The following MYBBP1A variants were observed in gnomAD, a reference collection of about 807,000 sequenced individuals.
The protein encoded by MYBBP1A is MYB binding protein 1a.
In MYBBP1A, 147 loss-of-function variants were observed where a neutral mutation model predicts 136.3. The observed-to-expected ratio is 1.08, with a 90% CI of 0.94 to 1.24. The LOEUF is 1.24. Ranked by LOEUF, MYBBP1A falls within the 50% of genes most tolerant of loss-of-function variation. The pLI is 0.00. For synonymous variants in MYBBP1A, 947 were observed against 735.8 expected (o/e 1.29, Z -4.65); for missense variants, 2,060 against 1,727.4 (o/e 1.19, Z -3.41).
At chr17:4,543,556 G>A (rs1192566298) in intron 19 of MYBBP1A, among the ~76,000 whole-genome samples, 1 of 152,084 alleles carries the variant, frequency 6.6e-6, no homozygotes, top group African/African-American at 2.4e-5. Context: ...GGATATAATG[G>A]GGGCAAGAGG....
chr17:4,552,548 G>A lies in MYBBP1A; in HGVS notation c.640C>T (p.Gln214Ter), dbSNP rs377010165. The A allele has an allele frequency of 1.2e-6, 2 of 1,613,956 alleles. No individual in the cohort carries two copies. The highest frequency in any genetic ancestry group is 2.7e-5 in the African/African-American group (2 of 74,938). Residue 214 changes from glutamine (Q) to a stop codon, truncating the protein, a stop_gained, in exon 6 of 26, where the codon CAG becomes TAG. Transcript: ENST00000254718. LOFTEE classifies it high-confidence loss of function. The surrounding 1 kb of genome is among the most constrained non-coding windows in gnomAD (Gnocchi z 4.7). ...DLNIILSSPEQLELFLLAQQK... is the reference protein window; with the variant it reads ...DLNIILSSPE The stretch of plus-strand genomic sequence containing the variant: ...TGGGCCAGGAGGAAGAGCTCTAGCT[G>A]TTCAGGGGAGCTGAGTATTATATTC...
At chr17:4,540,100 C>CGTGAGGGTCCT in intron 25 of MYBBP1A, 133 bp from the exon 26 acceptor site, 3 of 1,219,566 alleles carry the variant, frequency 2.5e-6, no homozygotes, top group East Asian at 2.4e-5. Flanking sequence ...ATGAGGGTCC[C>CGTGAGGGTCCT]GTGAGGGTCC....
intron 2 of MYBBP1A, among the ~76,000 whole-genome samples, chr17:4,554,592 G>A (rs1190264385): frequency 3.3e-5 from 5 of 152,176 alleles, no homozygotes; most frequent in African/African-American, 7.2e-5. Flanking sequence ...CAGGCCTAAG[G>A]GAGCCCACCC....
At chr17:4,543,926 C>A (rs911845978) in intron 19 of MYBBP1A, among the ~76,000 whole-genome samples, 8 of 152,186 alleles carry the variant, frequency 5.3e-5, no homozygotes, top group African/African-American at 1.9e-4. Context: ...GCCTCTGTGG[C>A]CTCCAGCACC....
intron 5 of MYBBP1A, among the ~76,000 whole-genome samples, chr17:4,553,009 A>C (rs1246449748): frequency 6.6e-6 from 1 of 152,072 alleles, no homozygotes; most frequent in Non-Finnish European, 1.5e-5. Context: ...TTTAGTAGAG[A>C]TGGGGTTTCA....
intron 2 of MYBBP1A, 109 bp downstream of exon 2, chr17:4,554,752 C>G (rs1454939785): frequency 1.9e-6 from 2 of 1,065,098 alleles, no homozygotes; most frequent in Non-Finnish European, 2.7e-6. Flanking sequence ...CACTCCCGAC[C>G]TCTCTCTCGG....
rs893903309 is a variant in MYBBP1A at position 4,553,809 on chromosome 17, C to T, written c.561+1G>A. On this transcript the variant is annotated splice_donor_variant, in intron 5 of 25. Coordinates refer to ENST00000254718, the MANE Select transcript of MYBBP1A (RefSeq NM_014520.4). LOFTEE classifies it high-confidence loss of function. ...GGCCCGCACAGCTGGGGAGCTCATA[C>T]CTCGGAGAGGATGTCCACCAGGGCC... The T allele has an allele frequency of 6.2e-7, 1 of 1,613,802 alleles. No homozygotes were observed. Among genetic ancestry groups the T allele is most frequent in the Non-Finnish European group, 8.5e-7 (1 of 1,179,872 alleles).
intron 25 of MYBBP1A, 80 bp downstream of exon 25, chr17:4,540,244 AGTGTGCGTGTGCAGCAGCGTGTGT>A (rs111872351): frequency 7.2e-7 from 1 of 1,389,994 alleles, no homozygotes; most frequent in Non-Finnish European, 9.6e-7. Flanking sequence ...ATGCGTGTGC[AGTGTGCGTGTGCAGCAGCGTGTGT>A]GCAGCGTGTG....
In MYBBP1A at chr17:4,552,920, G is replaced by A. The variant is rs141211330; in HGVS notation, c.562-294C>T. ...GTGATCTTGGCTCACTGCAACCTCC[G>A]CCTCCCAGGTTGAAGCAATTCTCCT... On this transcript the variant is annotated intron_variant, in intron 5 of 25. Coordinates refer to ENST00000254718, the MANE Select transcript of MYBBP1A (RefSeq NM_014520.4). This position sits in a 1 kb window ranked among gnomAD's most constrained non-coding sequence, Gnocchi z 4.7. Among the ~76,000 whole-genome samples, 8 of 150,442 alleles carry A rather than the reference G, an allele frequency of 5.3e-5. No homozygotes were observed. Among genetic ancestry groups the A allele is most frequent in the South Asian group, 2.1e-4 (1 of 4,678 alleles).
In MYBBP1A at chr17:4,540,501, G is replaced by A. The variant is rs1906311299; in HGVS notation, c.3298-17C>T. 2 of 1,597,186 alleles carry A rather than the reference G, an allele frequency of 1.3e-6. No individual in the cohort carries two copies. On this transcript the variant is annotated splice_polypyrimidine_tract_variant and intron_variant, in intron 24 of 25. Coordinates refer to ENST00000254718, the MANE Select transcript of MYBBP1A (RefSeq NM_014520.4). Reference sequence around the variant, plus strand: ...GGTCAGCTTCTGCAGAGGGTGGGAAGGCAGAGCTGTGGGGCCACAGAGGGC... The same window carrying A: ...GGTCAGCTTCTGCAGAGGGTGGGAAAGCAGAGCTGTGGGGCCACAGAGGGC...
chr17:4,539,815 G>A lies in MYBBP1A; in HGVS notation c.3587C>T (p.Thr1196Ile), dbSNP rs371182377. The A allele has an allele frequency of 1.2e-5, 19 of 1,611,474 alleles. No homozygotes were observed. Among genetic ancestry groups the A allele is most frequent in the Non-Finnish European group, 1.5e-5 (18 of 1,179,972 alleles). Reference sequence around the variant, plus strand: ...CTGGCTCCCGCCGGTGGCTGCAGGTGTGCCATCCTCCGCTGGCGTGCCATC... The same window carrying A: ...CTGGCTCCCGCCGGTGGCTGCAGGTATGCCATCCTCCGCTGGCGTGCCATC... ...SEDGTPAEDG[T>I]PAATGGSQPP... Residue 1196 changes from threonine to isoleucine, a missense_variant, in exon 26 of 26, where the codon ACA becomes ATA. Physicochemically the swap from Thr to Ile is moderately conservative, Grantham distance 89 (BLOSUM62 -1). Coordinates refer to ENST00000254718, the MANE Select transcript of MYBBP1A (RefSeq NM_014520.4).
intron 2 of MYBBP1A, 54 bp from the exon 3 acceptor site, chr17:4,554,332 C>T (rs139229771): frequency 4.0e-5 from 61 of 1,507,090 alleles, no homozygotes; most frequent in Middle Eastern, 3.5e-4. Context: ...GGCCCAACTA[C>T]GTCTTCACAA....
At position 4,555,327 on chromosome 17, in the gene MYBBP1A, C is replaced by A. The variant is rs147814334; in HGVS notation, c.-3G>T. The A allele has an allele frequency of 6.3e-6, 10 of 1,591,652 alleles. No individual in the cohort carries two copies. The African/African-American group carries it at 1.3e-4, about 21-fold the overall frequency. ...TGGGCGGGATCCCGGCTCTCCATCT[C>A]CGCCACACTCACCGAAACACGAAAC... is the stretch of plus-strand genomic sequence containing the variant. On this transcript the variant is annotated 5_prime_UTR_variant, in exon 1 of 26. Transcript: ENST00000254718.
In MYBBP1A at chr17:4,542,644, A is replaced by T. The variant is rs771283004; in HGVS notation, c.2990T>A (p.Met997Lys). 14 of 1,613,894 alleles carry T rather than the reference A, an allele frequency of 8.7e-6. No homozygotes were observed. In the African/African-American group the frequency reaches 1.2e-4, roughly 14 times the overall value. The change falls in exon 21 of 26, where the codon ATG (methionine) becomes AAG (lysine). Residue 997 changes from methionine (M) to lysine (K), a missense_variant. Coordinates refer to ENST00000254718, the MANE Select transcript of MYBBP1A (RefSeq NM_014520.4). ...GTGCCGGGAGAAGAGGCTGAGGAACATGGGAACTGTGAGGGGGCTGTTGCG... is the reference window on the plus strand; with the variant it reads ...GTGCCGGGAGAAGAGGCTGAGGAACTTGGGAACTGTGAGGGGGCTGTTGCG... ...TKRNSPLTVP[M>K]FLSLFSRHPV...
chr17:4,542,837 G>C, intron 20 of MYBBP1A, 76 bp downstream of exon 20: 1 of 1,602,780 alleles, frequency 6.2e-7, no homozygotes, highest in Non-Finnish European at 8.5e-7. Context: ...CTGAGGGTTG[G>C]GCCCTGGGGA....
rs1597389299 is a variant in MYBBP1A, at chr17:4,552,389, G to A, written c.737+62C>T. The A allele has an allele frequency of 1.2e-6, 2 of 1,603,336 alleles. No individual in the cohort carries two copies. The highest frequency in any genetic ancestry group is 2.0e-4 in the Middle Eastern group (1 of 4,982). ...CACCCCCAGGCCAAACGACAAATCT[G>A]GGCCTGGCCAGATGCAGTCCCTTGG... On this transcript the variant is annotated intron_variant, in intron 6 of 25. Transcript: ENST00000254718. The surrounding 1 kb of genome is among the most constrained non-coding windows in gnomAD (Gnocchi z 4.7).
rs760683389 is a variant in MYBBP1A, at chr17:4,550,145, C to T, written c.1232G>A (p.Arg411Gln). ...CAGGTCTGGCTGGAGAAACATGGCCCGCAGCCAGGCCACATAGCCCTGCAG... is the reference window on the plus strand; with the variant it reads ...CAGGTCTGGCTGGAGAAACATGGCCTGCAGCCAGGCCACATAGCCCTGCAG... Reference protein sequence around the residue: ...PALQGYVAWLRAMFLQPDLDS... With the variant: ...PALQGYVAWLQAMFLQPDLDS... The change falls in exon 9 of 26, where the codon CGG (arginine) becomes CAG (glutamine). Residue 411 changes from arginine (R) to glutamine (Q), a missense_variant. Transcript: ENST00000254718. The T allele has an allele frequency of 1.7e-5, 28 of 1,613,852 alleles. No homozygotes were observed. In the African/African-American group the frequency reaches 1.9e-4, roughly 11 times the overall value.
chr17:4,540,011 G>GCAGCCA, intron 25 of MYBBP1A, 44 bp from the exon 26 acceptor site: 1 of 1,569,574 alleles, frequency 6.4e-7, no homozygotes, highest in Non-Finnish European at 8.6e-7. Flanking sequence ...ATCGAGGGCA[G>GCAGCCA]CAGCCACCGC....
Position 4,541,584 on chromosome 17 carries a change from C to G in MYBBP1A, c.3196-20G>C. 2 of 1,607,292 alleles carry G rather than the reference C, an allele frequency of 1.2e-6. No individual in the cohort carries two copies. Among genetic ancestry groups the G allele is most frequent in the Non-Finnish European group, 8.5e-7 (1 of 1,177,650 alleles). ...CAAGTTCTAGGGAAGGGTGGCCAGG[C>G]TGAGGCACTCCGGAGAGCTGCTCAA... On this transcript the variant is annotated intron_variant, in intron 23 of 25. Transcript: ENST00000254718.
Sources: gnomAD v4.1 joint callset for allele counts (sites outside exome capture counted in the v4.1 genomes callset) on GRCh38, gnomAD v4.1.1 for gene constraint, Gnocchi (gnomAD v3.1) non-coding constraint, MANE v1.5 for transcripts, NCBI Gene and HGNC (gene_info 2026-07-23, HGNC 2026-07-21) for gene names.